The following ARPC5L variants were observed in gnomAD, a reference collection of about 807,000 sequenced individuals.
ARPC5L encodes the protein actin-related protein 2/3 complex subunit 5-like protein.
Under a neutral mutation model 16.9 loss-of-function variants are expected in ARPC5L, and 4 were observed. The observed-to-expected ratio is 0.24, with a 90% CI of 0.12 to 0.54. The LOEUF is 0.54. Ranked by LOEUF, ARPC5L falls within the 20% of genes least tolerant of loss-of-function variation. The probability of loss-of-function intolerance (pLI) is 0.95; values close to 1 mark genes in which losing one functional copy is unlikely to be tolerated. For synonymous variants in ARPC5L, 78 were observed against 82.6 expected (o/e 0.94, Z 0.30); for missense variants, 151 against 201.9 (o/e 0.75, Z 1.53).
At position 124,869,376 on chromosome 9, in the gene ARPC5L, A is replaced by C. The variant is rs940268176; in HGVS notation, c.86A>C (p.Glu29Ala). The C allele has an allele frequency of 7.9e-6, 12 of 1,517,912 alleles. No individual in the cohort carries two copies. The highest frequency in any genetic ancestry group is 4.1e-5 in the Admixed American group (2 of 48,362). 94.0% of individuals were successfully genotyped at this position (1,517,912 alleles called of 1,614,324 possible). Residue 29 changes from glutamate (E) to alanine (A), a missense_variant, in exon 3 of 6, where the codon GAG (glutamate) becomes GCG (alanine). Transcript: ENST00000353214. Reference protein sequence around the residue: ...DENKFVDEQEEAAAAAAEPGP... With the variant: ...DENKFVDEQEAAAAAAAEPGP... ...AACAAATTTGTGGACGAGCAGGAGGAGGCGGCGGCGGCGGCGGCGGAGCCA... is the reference window on the plus strand; with the variant it reads ...AACAAATTTGTGGACGAGCAGGAGGCGGCGGCGGCGGCGGCGGCGGAGCCA...
Position 124,873,734 on chromosome 9 carries a change from T to C in ARPC5L, c.192T>C (p.Ser64=), listed in dbSNP as rs764428717. 9 of 1,614,210 alleles carry C rather than the reference T, an allele frequency of 5.6e-6. No homozygotes were observed. The highest frequency in any genetic ancestry group is 6.8e-6 in the Non-Finnish European group (8 of 1,180,034). Residue 64 remains serine (S), a synonymous_variant, in exon 4 of 6, where the codon TCT becomes TCC. Transcript: ENST00000353214. The part of the protein sequence containing the change: ...LRAFHAALRN[S]PVNTKNQAVK... ...CATTCCATGCAGCCTTGCGGAACTC[T>C]CCCGTCAACACCAAGAATCAAGCTG... is the stretch of plus-strand genomic sequence containing the variant.
chr9:124,873,236 C>T (rs185436979), intron 3 of ARPC5L: 1 of 161,860 alleles, frequency 6.2e-6, no homozygotes, highest in Admixed American at 6.1e-5. Context: ...ATCTTAATTT[C>T]CTTAATAGTT....
intron 1 of ARPC5L, among the ~76,000 whole-genome samples, chr9:124,863,681 A>G (rs1287198849): frequency 6.6e-6 from 1 of 152,234 alleles, no homozygotes; most frequent in Non-Finnish European, 1.5e-5. Context: ...AGAGGAAGGA[A>G]CACTTCAGTA....
intron 5 of ARPC5L, among the ~76,000 whole-genome samples, chr9:124,876,418 CAG>C (rs1491465650): frequency 7.9e-5 from 12 of 151,726 alleles, no homozygotes; most frequent in South Asian, 6.2e-4. Context: ...ACTGGGGAGG[CAG>C]GGTTGCAGTG....
rs1829303532 is a variant in ARPC5L, at chr9:124,868,600, G to C, written c.-691G>C. ...CGAGTCACAACGTCTTCAACGTCTT[G>C]TCAGTCCCGTGATCGCACTAAACGT... On this transcript the variant is annotated 5_prime_UTR_variant, in exon 3 of 6. Coordinates refer to ENST00000353214, the MANE Select transcript of ARPC5L (RefSeq NM_030978.3). The C allele has an allele frequency of 6.6e-6, 1 of 152,270 alleles. No homozygotes were observed. Among genetic ancestry groups the C allele is most frequent in the South Asian group, 2.1e-4 (1 of 4,836 alleles). 9.4% of individuals were successfully genotyped at this position (152,270 alleles called of 1,614,324 possible). A position where few individuals can be genotyped will look rare whatever the true frequency, so the allele number is the denominator to read the frequency against.
intron 2 of ARPC5L, among the ~76,000 whole-genome samples, chr9:124,867,567 G>A (rs1345364652): frequency 4.0e-5 from 6 of 150,664 alleles, no homozygotes; most frequent in East Asian, 3.8e-4. Flanking sequence ...TGGCTGGAAT[G>A]AAAGTCCATG....
At chr9:124,874,196 G>A (rs1829400678) in intron 4 of ARPC5L, among the ~76,000 whole-genome samples, 1 of 152,238 alleles carries the variant, frequency 6.6e-6, no homozygotes, top group Admixed American at 6.5e-5. Flanking sequence ...TTCAGAGAAA[G>A]GGGTCTCCCT....
chr9:124,869,232 G>T lies in ARPC5L; in HGVS notation c.-59G>T, dbSNP rs558039256. Reference sequence around the variant, plus strand: ...CCCCGAGCAGGAGCCGGTGCGAGCGGAGCAGAGCCGAGGTCGGGCCGCGAG... The same window carrying T: ...CCCCGAGCAGGAGCCGGTGCGAGCGTAGCAGAGCCGAGGTCGGGCCGCGAG... On this transcript the variant is annotated 5_prime_UTR_variant, in exon 3 of 6. Transcript: ENST00000353214. 6.8e-7 allele frequency: 1 copy of T among 1,463,250 alleles called. No individual in the cohort carries two copies. Among genetic ancestry groups the T allele is most frequent in the South Asian group, 1.4e-5 (1 of 72,416 alleles). 90.6% of individuals were successfully genotyped at this position (1,463,250 alleles called of 1,614,324 possible).
At chr9:124,876,431 A>G (rs970522217) in intron 5 of ARPC5L, among the ~76,000 whole-genome samples, 1 of 152,152 alleles carries the variant, frequency 6.6e-6, no homozygotes, top group South Asian at 2.1e-4. Context: ...GGTTGCAGTG[A>G]GCCGAGATCG....
chr9:124,865,946 A>G (rs1277854684), intron 2 of ARPC5L, among the ~76,000 whole-genome samples: 1 of 151,978 alleles, frequency 6.6e-6, no homozygotes, highest in East Asian at 1.9e-4. Flanking sequence ...CTCTACTAAA[A>G]ATATAAAAAT....
At chr9:124,867,780 A>C (rs1344512796) in intron 2 of ARPC5L, among the ~76,000 whole-genome samples, 1 of 150,126 alleles carries the variant, frequency 6.7e-6, no homozygotes, top group African/African-American at 2.4e-5. Flanking sequence ...GCATGTTTCC[A>C]GGACCCCTGA....
chr9:124,862,506 CTTTTTTTTTTTTT>C (rs59998816), intron 1 of ARPC5L, 108 bp downstream of exon 1: 1 of 106,756 alleles, frequency 9.4e-6, no homozygotes, highest in Non-Finnish European at 1.8e-5. Flanking sequence ...GCATTTACAC[CTTTTTTTTTTTTT>C]TTTTTTTTGA....
chr9:124,877,169 GAC>G lies in ARPC5L; in HGVS notation c.*231_*232del. On this transcript the variant is annotated 3_prime_UTR_variant, in exon 6 of 6. Coordinates refer to ENST00000353214, the MANE Select transcript of ARPC5L (RefSeq NM_030978.3). ...CTTTGTCTCCGAGTACTGCAGAACT[GAC>G]ATTTTGACGGTCTACCAGCGTGGCG... 2 of 501,862 alleles carry G rather than the reference GAC, an allele frequency of 4.0e-6. No individual in the cohort carries two copies. The allele number at this position is 501,862 out of a possible 1,614,324, so 31.1% of individuals were successfully genotyped here.
chr9:124,864,418 G>C, intron 2 of ARPC5L, among the ~76,000 whole-genome samples: 1 of 152,156 alleles, frequency 6.6e-6, no homozygotes, highest in East Asian at 1.9e-4. Flanking sequence ...GGAGTGCAGG[G>C]GCACAATCTC....
At chr9:124,869,787 C>A (rs1341162192) in intron 3 of ARPC5L, among the ~76,000 whole-genome samples, 1 of 152,224 alleles carries the variant, frequency 6.6e-6, no homozygotes, top group East Asian at 1.9e-4. Context: ...CCCAGCACTC[C>A]GTCCCTCCCT....
intron 1 of ARPC5L, among the ~76,000 whole-genome samples, chr9:124,863,649 TA>T (rs1829234168): frequency 1.3e-5 from 2 of 152,178 alleles, no homozygotes; most frequent in African/African-American, 4.8e-5. Context: ...TGGCTCAAAA[TA>T]TCATTGGTGT....
chr9:124,868,183 C>T (rs1018146493), intron 2 of ARPC5L, among the ~76,000 whole-genome samples: 2 of 151,968 alleles, frequency 1.3e-5, no homozygotes, highest in Non-Finnish European at 2.9e-5. Flanking sequence ...TTTTTTTTAT[C>T]TTTAGACACA....
intron 1 of ARPC5L, among the ~76,000 whole-genome samples, chr9:124,862,786 A>C (rs1829220618): frequency 6.6e-6 from 1 of 151,826 alleles, no homozygotes; most frequent in African/African-American, 2.4e-5. Context: ...TCGGCCTCCC[A>C]AAGTGCTGGG....
chr9:124,873,835 G>A (rs766195948), intron 4 of ARPC5L, 71 bp downstream of exon 4: 79 of 1,573,904 alleles, frequency 5.0e-5, no homozygotes, highest in Non-Finnish European at 6.6e-5. Context: ...CCCAGTGCGA[G>A]TGTGAGCTTT....
Sources: allele counts gnomAD v4.1 joint callset (sites outside exome capture counted in the v4.1 genomes callset), GRCh38; gene constraint gnomAD v4.1.1; transcripts MANE v1.5; gene names NCBI Gene and HGNC (gene_info 2026-07-23, HGNC 2026-07-21).